Variants in ARID5B observed in about 807,000 individuals in gnomAD.
ARID5B encodes AT-rich interactive domain-containing protein 5B.
Under a neutral mutation model 97.2 loss-of-function variants are expected in ARID5B, and 13 were observed. The ratio of observed to expected loss-of-function variants is 0.13; its 90% CI spans 0.09 to 0.21. ARID5B has a LOEUF of 0.21. ARID5B is among the 10% of genes least tolerant of loss of function. The pLI, the probability that ARID5B is intolerant of heterozygous loss-of-function variation, is 1.00. For synonymous variants in ARID5B, 556 were observed against 570.3 expected (o/e 0.97, Z 0.36); for missense variants, 1,210 against 1,465.3 (o/e 0.83, Z 2.84).
intron 2 of ARID5B, among the ~76,000 whole-genome samples, chr10:61,929,083 A>G (rs1007237551): frequency 1.3e-5 from 2 of 152,226 alleles, no homozygotes; most frequent in Non-Finnish European, 2.9e-5. Context: ...AAGTGGTTGT[A>G]GTTAGTCTGT....
At chr10:61,910,560 C>T (rs897639447) in intron 2 of ARID5B, among the ~76,000 whole-genome samples, 1 of 152,208 alleles carries the variant, frequency 6.6e-6, no homozygotes, top group Non-Finnish European at 1.5e-5. Context: ...TTTCTGGCCA[C>T]GCTGTGTTCC....
intron 3 of ARID5B, among the ~76,000 whole-genome samples, chr10:61,944,442 G>GT (rs1339240855): frequency 3.3e-5 from 5 of 151,994 alleles, no homozygotes; most frequent in African/African-American, 1.2e-4. Flanking sequence ...AAAATTTTTA[G>GT]TAAGTAAGGA....
chr10:61,965,697 T>C (rs1358805438), intron 3 of ARID5B, among the ~76,000 whole-genome samples: 1 of 152,208 alleles, frequency 6.6e-6, no homozygotes, highest in Admixed American at 6.5e-5. Context: ...AGAACTACTT[T>C]AGTAAATAAA....
intron 3 of ARID5B, among the ~76,000 whole-genome samples, chr10:61,962,438 T>C (rs1243665782): frequency 6.6e-6 from 1 of 152,240 alleles, no homozygotes; most frequent in Non-Finnish European, 1.5e-5. Context: ...TTTAAATATG[T>C]ACAGCATGTT....
intron 9 of ARID5B, among the ~76,000 whole-genome samples, chr10:62,087,225 G>A (rs1840298932): frequency 6.8e-6 from 1 of 146,102 alleles, no homozygotes; most frequent in South Asian, 2.2e-4. Flanking sequence ...CGTGAACCCA[G>A]GAGGCGGAGC....
At chr10:62,082,383 GCT>G (rs1469248097) in intron 8 of ARID5B, among the ~76,000 whole-genome samples, 1 of 152,078 alleles carries the variant, frequency 6.6e-6, no homozygotes, top group Non-Finnish European at 1.5e-5. Context: ...TGAATATATT[GCT>G]TCTCTTCCCC....
At chr10:62,084,496 A>G (rs1352654498) in intron 8 of ARID5B, among the ~76,000 whole-genome samples, 1 of 152,250 alleles carries the variant, frequency 6.6e-6, no homozygotes, top group Non-Finnish European at 1.5e-5. Flanking sequence ...TAAGCCAAGT[A>G]CATTTTCTTC....
At position 61,908,660 on chromosome 10, in the gene ARID5B, C is replaced by T. The variant is rs191395316; in HGVS notation, c.276+6247C>T. Among the ~76,000 whole-genome samples, 155 of 151,872 alleles carry T rather than the reference C, an allele frequency of 1.0e-3. 1 individual carries two copies. Among genetic ancestry groups the T allele is most frequent in the African/African-American group, 3.6e-3 (148 of 41,424 alleles). On this transcript the variant is annotated intron_variant, in intron 2 of 9. Transcript: ENST00000279873. ...TAAAAATACAAAAAAATTAGCTGGG[C>T]GTGGTGGTGGGCACCTGTAGTCCCA... is the stretch of plus-strand genomic sequence containing the variant.
chr10:62,020,384 A>G (rs1254553818), intron 4 of ARID5B, among the ~76,000 whole-genome samples: 1 of 152,198 alleles, frequency 6.6e-6, no homozygotes, highest in Non-Finnish European at 1.5e-5. Context: ...TGTGTTTAAA[A>G]GGCATAAAAT....
At position 61,980,760 on chromosome 10, in the gene ARID5B, G is replaced by A. The variant is rs1283853989; in HGVS notation, c.503-19331G>A. Among the ~76,000 whole-genome samples, 5 of 152,048 alleles carry A rather than the reference G, an allele frequency of 3.3e-5. No homozygotes were observed. In the East Asian group the frequency reaches 9.7e-4, roughly 29 times the overall value. On this transcript the variant is annotated intron_variant, in intron 3 of 9. Transcript: ENST00000279873. ...GAACTAGAATGGCAAACCCAAGATGGGCCCCCCTTCTGCCTCCTCCAAAAT... is the reference window on the plus strand; with the variant it reads ...GAACTAGAATGGCAAACCCAAGATGAGCCCCCCTTCTGCCTCCTCCAAAAT...
chr10:62,022,316 T>G (rs1359736312), intron 4 of ARID5B, among the ~76,000 whole-genome samples: 1 of 152,230 alleles, frequency 6.6e-6, no homozygotes, highest in Non-Finnish European at 1.5e-5. Context: ...CATTTACTTG[T>G]GTCTCACAGC....
intron 8 of ARID5B, among the ~76,000 whole-genome samples, chr10:62,074,882 G>A (rs375430869): frequency 2.0e-5 from 3 of 152,210 alleles, no homozygotes; most frequent in African/African-American, 4.8e-5. Context: ...ATACACTTAC[G>A]CTGAAATTTG....
intron 8 of ARID5B, among the ~76,000 whole-genome samples, chr10:62,075,247 C>T (rs546651941): frequency 2.0e-5 from 3 of 152,226 alleles, no homozygotes; most frequent in Non-Finnish European, 4.4e-5. Flanking sequence ...TCCTGACCTT[C>T]TATGTTTTCA....
At chr10:62,043,987 G>A (rs2132921725) in intron 4 of ARID5B, among the ~76,000 whole-genome samples, 1 of 151,442 alleles carries the variant, frequency 6.6e-6, no homozygotes, top group South Asian at 2.1e-4. Flanking sequence ...GGCTCTCAAT[G>A]ATTTTGACAA....
intron 2 of ARID5B, among the ~76,000 whole-genome samples, chr10:61,912,765 T>TG (rs903966610): frequency 5.3e-5 from 8 of 151,888 alleles, no homozygotes; most frequent in African/African-American, 1.9e-4. Flanking sequence ...TACATACTTT[T>TG]TTTTTAACCC....
At position 62,018,547 on chromosome 10, in the gene ARID5B, G is replaced by A. The variant is rs530693503; in HGVS notation, c.733+18226G>A. On this transcript the variant is annotated intron_variant, in intron 4 of 9. Coordinates refer to ENST00000279873, the MANE Select transcript of ARID5B (RefSeq NM_032199.3). ...GGTGCCAGAGAGGTAAATATTGCCC[G>A]GTCTCCATGTTGGCATGAGACGCGT... Among the ~76,000 whole-genome samples the A allele has an allele frequency of 2.7e-5, 4 of 150,350 alleles. No homozygotes were observed. The South Asian group carries it at 6.4e-4, about 24-fold the overall frequency.
chr10:62,049,490 G>A (rs754949800), intron 4 of ARID5B: 57 of 1,550,406 alleles, frequency 3.7e-5, no homozygotes, highest in Non-Finnish European at 4.7e-5. Flanking sequence ...ATGGGTAATC[G>A]CTACTTTCTC....
chr10:61,964,771 G>C (rs1838520009), intron 3 of ARID5B, among the ~76,000 whole-genome samples: 1 of 152,194 alleles, frequency 6.6e-6, no homozygotes, highest in African/African-American at 2.4e-5. Context: ...AGTAGAGAAT[G>C]AATTTTTTAA....
intron 9 of ARID5B, among the ~76,000 whole-genome samples, chr10:62,088,156 C>T (rs1037181885): frequency 3.9e-5 from 6 of 152,050 alleles, no homozygotes; most frequent in Non-Finnish European, 7.4e-5. Context: ...TGTGAGCCAC[C>T]GTCCCTGGCC....
Sources: gnomAD v4.1 joint callset for allele counts (sites outside exome capture counted in the v4.1 genomes callset) on GRCh38, gnomAD v4.1.1 for gene constraint, MANE v1.5 for transcripts, NCBI Gene and HGNC (gene_info 2026-07-23, HGNC 2026-07-21) for gene names.